RIN2: variants seen among roughly 807,000 people sequenced by gnomAD.
The protein encoded by RIN2 is Ras and Rab interactor 2.
In RIN2, 36 loss-of-function variants were observed where a neutral mutation model predicts 78.0. The observed-to-expected ratio is 0.46, with a 90% CI of 0.35 to 0.61. The LOEUF (loss-of-function observed/expected upper bound fraction) is 0.61, where lower values mean the gene tolerates loss of function less well. Ranked by LOEUF, RIN2 falls within the 20% of genes least tolerant of loss-of-function variation. RIN2 has a pLI of 0.00. For synonymous variants in RIN2, 466 were observed against 466.8 expected, an observed-to-expected ratio of 1.00 and a Z score of 0.02; for missense variants, 1,087 against 1,159.7, an observed-to-expected ratio of 0.94 and a Z score of 0.91.
At chr20:19,925,031 G>A (rs556401074) in intron 3 of RIN2, among the ~76,000 whole-genome samples, 23 of 149,412 alleles carry the variant, frequency 1.5e-4, no homozygotes, top group Admixed American at 6.0e-4. Flanking sequence ...GAGCCACTGC[G>A]CCCGGCCTCC....
At chr20:19,780,852 G>A (rs1319463560) in intron 1 of RIN2, among the ~76,000 whole-genome samples, 1 of 152,214 alleles carries the variant, frequency 6.6e-6, no homozygotes, top group African/African-American at 2.4e-5. Flanking sequence ...AATTTAACTG[G>A]CATGGGGTGT....
At chr20:19,890,016 C>G (rs1167043936) in intron 3 of RIN2, among the ~76,000 whole-genome samples, 1 of 152,008 alleles carries the variant, frequency 6.6e-6, no homozygotes. Context: ...CATGTGTTCT[C>G]TCCTTGGCTT....
intron 2 of RIN2, among the ~76,000 whole-genome samples, chr20:19,863,303 G>C (rs1324228218): frequency 6.6e-6 from 1 of 152,152 alleles, no homozygotes; most frequent in Non-Finnish European, 1.5e-5. Context: ...ACCTGTCATA[G>C]ATGTTGTGCG....
At chr20:19,907,807 C>T (rs1600759557) in intron 3 of RIN2, among the ~76,000 whole-genome samples, 1 of 152,290 alleles carries the variant, frequency 6.6e-6, no homozygotes, top group Middle Eastern at 3.4e-3. Flanking sequence ...GTGGAAAGGC[C>T]ATGGGTTTGT....
At chr20:19,771,673 A>G (rs1487626229) in intron 1 of RIN2, among the ~76,000 whole-genome samples, 4 of 152,148 alleles carry the variant, frequency 2.6e-5, no homozygotes, top group Non-Finnish European at 5.9e-5. Context: ...TATGCATAGG[A>G]GTGAAGGAGA....
At chr20:19,983,742 A>ATGAAGTCT (rs566827281) in intron 9 of RIN2, among the ~76,000 whole-genome samples, 303 of 152,268 alleles carry the variant, frequency 2.0e-3, no homozygotes, top group African/African-American at 6.7e-3. Context: ...TTGCGTAGTG[A>ATGAAGTCT]TGAAGTCTGG....
chr20:19,971,000 T>G, intron 8 of RIN2, 71 bp downstream of exon 8: 1 of 1,133,318 alleles, frequency 8.8e-7, no homozygotes, highest in African/African-American at 1.5e-5. Flanking sequence ...GTGGGCTCAC[T>G]GAGGCTACAT....
At chr20:19,978,358 T>G (rs886946972) in intron 9 of RIN2, among the ~76,000 whole-genome samples, 5 of 152,200 alleles carry the variant, frequency 3.3e-5, no homozygotes, top group African/African-American at 1.2e-4. Flanking sequence ...TGTGAATGCA[T>G]GCACATGTAT....
chr20:20,000,679 C>T lies in RIN2; in HGVS notation c.2431C>T (p.Pro811Ser). ...GCTGKTLLVRPYITTEDVCQI... is the reference protein window; with the variant it reads ...GCTGKTLLVRSYITTEDVCQI... ...CACAGGAAAGACCCTCCTTGTGAGACCTTACATCACCACTGAGGATGTGTG... is the reference window on the plus strand; with the variant it reads ...CACAGGAAAGACCCTCCTTGTGAGATCTTACATCACCACTGAGGATGTGTG... The change falls in exon 13 of 13, where the codon CCT becomes TCT. Residue 811 changes from proline to serine, a missense_variant. Physicochemically the swap from Pro to Ser is moderately conservative, Grantham distance 74. Coordinates refer to ENST00000255006, the MANE Select transcript of RIN2 (RefSeq NM_018993.4). 2.5e-6 allele frequency: 4 copies of T among 1,613,490 alleles called. No homozygotes were observed. Among genetic ancestry groups the T allele is most frequent in the Non-Finnish European group, 2.5e-6 (3 of 1,179,474 alleles).
At chr20:19,837,442 G>T (rs543149719) in intron 2 of RIN2, among the ~76,000 whole-genome samples, 1 of 152,224 alleles carries the variant, frequency 6.6e-6, no homozygotes, top group Admixed American at 6.5e-5. Flanking sequence ...ATAGTCTCTT[G>T]TTGTCAGTTT....
chr20:19,832,813 A>T (rs2036289077), intron 2 of RIN2, among the ~76,000 whole-genome samples: 1 of 151,974 alleles, frequency 6.6e-6, no homozygotes, highest in Non-Finnish European at 1.5e-5. Flanking sequence ...GAAAGGGCCA[A>T]CTCACCTCCT....
chr20:19,780,823 C>A (rs1340335608), intron 1 of RIN2, among the ~76,000 whole-genome samples: 1 of 152,216 alleles, frequency 6.6e-6, no homozygotes, highest in Non-Finnish European at 1.5e-5. Flanking sequence ...ATTAAAGGAG[C>A]TATGCCACAT....
chr20:19,918,327 A>G lies in RIN2; in HGVS notation c.58-16772A>G, dbSNP rs534533002. Among the ~76,000 whole-genome samples the G allele has an allele frequency of 7.3e-4, 111 of 151,688 alleles. 1 individual carries two copies. The highest frequency in any genetic ancestry group is 2.5e-3 in the African/African-American group (102 of 41,300). On this transcript the variant is annotated intron_variant, in intron 3 of 12. Transcript: ENST00000255006. Reference sequence around the variant, plus strand: ...TTCAGGGATAATTTTCAAAAAACGAAAAAACGTGACTCTCATACAAATACA... The same window carrying G: ...TTCAGGGATAATTTTCAAAAAACGAGAAAACGTGACTCTCATACAAATACA...
chr20:20,001,038 G>C lies in RIN2; in HGVS notation c.*102G>C, dbSNP rs2146441637. The C allele has an allele frequency of 8.6e-7, 1 of 1,159,754 alleles. No individual in the cohort carries two copies. The highest frequency in any genetic ancestry group is 2.5e-5 in the East Asian group (1 of 40,298). 71.8% of individuals were successfully genotyped at this position (1,159,754 alleles called of 1,614,324 possible). A position where few individuals can be genotyped will look rare whatever the true frequency, so the allele number is the denominator to read the frequency against. On this transcript the variant is annotated 3_prime_UTR_variant, in exon 13 of 13. Transcript: ENST00000255006. ...CTTGAAAAGCAGTCACCTCCTCGGG[G>C]ACCCCTCAGTGTAGTGACTAAGCCA...
At chr20:19,979,525 G>A (rs113746644) in intron 9 of RIN2, among the ~76,000 whole-genome samples, 17 of 152,252 alleles carry the variant, frequency 1.1e-4, no homozygotes, top group African/African-American at 3.9e-4. Context: ...GTTAGACACC[G>A]GAGAGTATAG....
At chr20:19,987,710 T>TG (rs2042665463) in intron 9 of RIN2, among the ~76,000 whole-genome samples, 1 of 152,214 alleles carries the variant, frequency 6.6e-6, no homozygotes, top group African/African-American at 2.4e-5. Context: ...AAAGATGCTA[T>TG]GAAGTTGCAC....
At chr20:19,825,095 G>A (rs575469572) in intron 2 of RIN2, among the ~76,000 whole-genome samples, 1 of 152,234 alleles carries the variant, frequency 6.6e-6, no homozygotes, top group Non-Finnish European at 1.5e-5. Flanking sequence ...GATCCCTGGG[G>A]ATGAGACCAG....
intron 9 of RIN2, among the ~76,000 whole-genome samples, chr20:19,988,349 G>A (rs1284488309): frequency 6.6e-6 from 1 of 152,158 alleles, no homozygotes; most frequent in East Asian, 1.9e-4. Context: ...TGAACCCCTG[G>A]CCTCAAGTGA....
intron 2 of RIN2, among the ~76,000 whole-genome samples, chr20:19,851,951 C>T (rs1419736926): frequency 2.0e-5 from 3 of 152,156 alleles, no homozygotes; most frequent in Non-Finnish European, 4.4e-5. Flanking sequence ...AGGCTGGGCT[C>T]ATCTGGGCTC....
Sources: allele counts gnomAD v4.1 joint callset (sites outside exome capture counted in the v4.1 genomes callset), GRCh38; gene constraint gnomAD v4.1.1; transcripts MANE v1.5; gene names NCBI Gene and HGNC (gene_info 2026-07-23, HGNC 2026-07-21).